MBD5: variants seen among roughly 807,000 people sequenced by gnomAD.
The protein encoded by MBD5 is methyl-CpG-binding domain protein 5.
In MBD5, 13 loss-of-function variants were observed where a neutral mutation model predicts 117.3. The ratio of observed to expected loss-of-function variants is 0.11; its 90% confidence interval spans 0.07 to 0.18. The LOEUF (loss-of-function observed/expected upper bound fraction) is 0.18, where lower values mean the gene tolerates loss of function less well. Ranked by LOEUF, MBD5 falls within the 10% of genes least tolerant of loss-of-function variation. The probability of loss-of-function intolerance (pLI) is 1.00; values close to 1 mark genes in which losing one functional copy is unlikely to be tolerated. For synonymous variants in MBD5, 727 were observed against 766.4 expected (o/e 0.95, Z 0.85); for missense variants, 1,879 against 2,093.8 (o/e 0.90, Z 2.00).
chr2:148,227,422 G>A (rs1699860060), intron 2 of MBD5, among the ~76,000 whole-genome samples: 1 of 152,136 alleles, frequency 6.6e-6, no homozygotes, highest in Admixed American at 6.5e-5. Flanking sequence ...TCAGGTAGTT[G>A]TAGATACGCG....
chr2:148,033,169 A>G (rs1694089058), intron 1 of MBD5, among the ~76,000 whole-genome samples: 1 of 152,220 alleles, frequency 6.6e-6, no homozygotes, highest in African/African-American at 2.4e-5. Context: ...TTTGTTCTGA[A>G]TTTAGCACAT....
chr2:148,195,886 C>T (rs1451343416), intron 2 of MBD5, among the ~76,000 whole-genome samples: 5 of 152,164 alleles, frequency 3.3e-5, no homozygotes, highest in Non-Finnish European at 7.3e-5. Context: ...GCAACTAACA[C>T]ATGGCTTAGA....
intron 11 of MBD5, among the ~76,000 whole-genome samples, chr2:148,501,173 TTAA>T (rs1681859973): frequency 6.6e-6 from 1 of 152,374 alleles, no homozygotes; most frequent in South Asian, 2.1e-4. Context: ...GTTTTCAGAC[TTAA>T]TAATGAAAAC....
chr2:148,194,760 TAAGAAA>T (rs1466225505), intron 2 of MBD5, among the ~76,000 whole-genome samples: 1,589 of 24,370 alleles, frequency 0.065, no homozygotes, highest in Middle Eastern at 0.18. Context: ...TAGAGTATAA[TAAGAAA>T]AAAAAAAAAA....
At chr2:148,030,503 A>G (rs1300809891) in intron 1 of MBD5, among the ~76,000 whole-genome samples, 1 of 152,216 alleles carries the variant, frequency 6.6e-6, no homozygotes, top group Non-Finnish European at 1.5e-5. Flanking sequence ...TTACATCCAT[A>G]CAATACATTT....
intron 4 of MBD5, among the ~76,000 whole-genome samples, chr2:148,453,642 T>C (rs569230312): frequency 9.2e-5 from 14 of 152,168 alleles, no homozygotes; most frequent in Admixed American, 8.5e-4. Context: ...GGCAAGATGC[T>C]GTGAAATAGG....
At chr2:148,334,520 G>A (rs917133257) in intron 3 of MBD5, among the ~76,000 whole-genome samples, 8 of 151,856 alleles carry the variant, frequency 5.3e-5, no homozygotes, top group Admixed American at 2.0e-4. Context: ...ATTTTATAGA[G>A]GCAAGGTCTT....
At chr2:148,507,031 C>T (rs961356750) in intron 12 of MBD5, among the ~76,000 whole-genome samples, 4 of 152,158 alleles carry the variant, frequency 2.6e-5, no homozygotes, top group African/African-American at 9.7e-5. Context: ...TAATTTCATG[C>T]CCCACATCTA....
intron 1 of MBD5, among the ~76,000 whole-genome samples, chr2:148,156,468 C>G (rs1448663012): frequency 6.6e-6 from 1 of 152,220 alleles, no homozygotes; most frequent in Non-Finnish European, 1.5e-5. Context: ...AAATTAATCT[C>G]AGATATCATC....
chr2:148,099,585 A>T (rs1468309849), intron 1 of MBD5, among the ~76,000 whole-genome samples: 1 of 152,126 alleles, frequency 6.6e-6, no homozygotes, highest in Non-Finnish European at 1.5e-5. Context: ...AAAGTGAGAG[A>T]AAGTGTCAGG....
chr2:148,446,602 CTGTGTGTGTG>C (rs1185100489), intron 4 of MBD5, among the ~76,000 whole-genome samples: 2 of 148,896 alleles, frequency 1.3e-5, no homozygotes, highest in Admixed American at 6.7e-5. Context: ...GATTATTTAT[CTGTGTGTGTG>C]TGTGTGTGTG....
At chr2:148,073,427 A>C (rs929084757) in intron 1 of MBD5, among the ~76,000 whole-genome samples, 6 of 152,136 alleles carry the variant, frequency 3.9e-5, no homozygotes, top group African/African-American at 1.4e-4. Context: ...TCATGGATCA[A>C]AACTGTATAA....
chr2:148,129,006 CTATT>C (rs1349596455), intron 1 of MBD5, among the ~76,000 whole-genome samples: 3 of 152,092 alleles, frequency 2.0e-5, no homozygotes, highest in African/African-American at 7.2e-5. Context: ...AAGCTTTAGT[CTATT>C]TATTTTAGGC....
At chr2:148,062,902 A>T (rs1031576365) in intron 1 of MBD5, among the ~76,000 whole-genome samples, 1 of 152,088 alleles carries the variant, frequency 6.6e-6, no homozygotes, top group Non-Finnish European at 1.5e-5. Flanking sequence ...CATAGCTATA[A>T]CCACCATCCT....
intron 4 of MBD5, among the ~76,000 whole-genome samples, chr2:148,436,652 G>A (rs1241715695): frequency 2.0e-5 from 3 of 152,144 alleles, no homozygotes; most frequent in East Asian, 1.9e-4. Flanking sequence ...GATTACAGGC[G>A]TGAGCCACCA....
At chr2:148,274,324 C>G (rs1450290902) in intron 3 of MBD5, among the ~76,000 whole-genome samples, 1 of 152,094 alleles carries the variant, frequency 6.6e-6, no homozygotes, top group Admixed American at 6.6e-5. Flanking sequence ...TGGTTTGCTG[C>G]ACCCATCAAC....
intron 4 of MBD5, among the ~76,000 whole-genome samples, chr2:148,397,290 G>A (rs77257820): frequency 0.013 from 1,869 of 148,994 alleles, 42 homozygotes; most frequent in African/African-American, 0.043. Flanking sequence ...ACATGAATGT[G>A]CATCTTGTGG....
chr2:148,105,927 A>G (rs1277749877), intron 1 of MBD5, among the ~76,000 whole-genome samples: 1 of 152,158 alleles, frequency 6.6e-6, no homozygotes, highest in East Asian at 1.9e-4. Context: ...TTTGAAAACA[A>G]TTGGATTATT....
intron 1 of MBD5, among the ~76,000 whole-genome samples, chr2:148,146,506 G>A (rs1397472779): frequency 6.6e-6 from 1 of 152,032 alleles, no homozygotes; most frequent in Non-Finnish European, 1.5e-5. Flanking sequence ...CAAAGTGTTA[G>A]GATTATAGGC....
Sources: gnomAD v4.1 joint callset for allele counts (sites outside exome capture counted in the v4.1 genomes callset) on GRCh38, gnomAD v4.1.1 for gene constraint, MANE v1.5 for transcripts, NCBI Gene and HGNC (gene_info 2026-07-23, HGNC 2026-07-21) for gene names.